UBA2: variants seen among roughly 807,000 people sequenced by gnomAD.
UBA2 encodes SUMO-activating enzyme subunit 2.
Under a neutral mutation model 77.2 loss-of-function variants are expected in UBA2, and 11 were observed. The ratio of observed to expected loss-of-function variants is 0.14; its 90% CI spans 0.09 to 0.24. The LOEUF is 0.24. Among genes scored for constraint, UBA2 ranks in the 10% least tolerant of loss-of-function variants. The pLI is 1.00. For missense variants in UBA2, 487 were observed against 781.7 expected (o/e 0.62, Z 4.50); for synonymous variants, 278 against 276.7 (o/e 1.00, Z -0.05).
At chr19:34,445,203 T>C in intron 8 of UBA2, 82 bp downstream of exon 8, 1 of 1,412,068 alleles carries the variant, frequency 7.1e-7, no homozygotes, top group East Asian at 2.4e-5. Flanking sequence ...TGTTTTAAAA[T>C]AGTCCATAAA....
intron 8 of UBA2, among the ~76,000 whole-genome samples, chr19:34,447,026 G>A (rs1374287778): frequency 6.6e-6 from 1 of 152,250 alleles, no homozygotes; most frequent in East Asian, 1.9e-4. Context: ...ATACAAAGGG[G>A]AGTTGATAGA....
At chr19:34,433,450 C>G in intron 4 of UBA2, 38 bp downstream of exon 4, 1 of 1,299,986 alleles carries the variant, frequency 7.7e-7, no homozygotes, top group South Asian at 1.3e-5. Context: ...CTCAGTATTT[C>G]CTCTCTCCCA....
At position 34,458,937 on chromosome 19, in the gene UBA2, C is replaced by T; in HGVS notation, c.1401+13C>T. The stretch of plus-strand genomic sequence containing the variant: ...CTTACAAGACAAGGTCAGTGCAAGG[C>T]CTGGGTCTCTTTTCCTTTTGCTTTT... On this transcript the variant is annotated intron_variant, in intron 13 of 16. Coordinates refer to ENST00000246548, the MANE Select transcript of UBA2 (RefSeq NM_005499.3). 3 of 1,604,684 alleles carry T rather than the reference C, an allele frequency of 1.9e-6. No homozygotes were observed. The South Asian group carries it at 3.4e-5, about 18-fold the overall frequency.
intron 1 of UBA2, chr19:34,430,328 T>C: frequency 2.8e-6 from 1 of 362,520 alleles, no homozygotes; most frequent in Non-Finnish European, 5.0e-6. Context: ...CCAGGATGAT[T>C]AAACAAACAA....
chr19:34,458,192 C>A (rs533985789), intron 12 of UBA2, among the ~76,000 whole-genome samples: 1 of 152,086 alleles, frequency 6.6e-6, no homozygotes, highest in Non-Finnish European at 1.5e-5. Context: ...CAGAAGAACG[C>A]GGAGTCTTAT....
At chr19:34,439,740 A>G (rs1161026292) in intron 6 of UBA2, among the ~76,000 whole-genome samples, 1 of 152,156 alleles carries the variant, frequency 6.6e-6, no homozygotes, top group South Asian at 2.1e-4. Flanking sequence ...GGATCAGTTG[A>G]GCCTGGGAGG....
In UBA2 at chr19:34,428,563, T is replaced by C. The variant is rs2075212541; in HGVS notation, c.131T>C (p.Ile44Thr). 7.9e-7 allele frequency: 1 copy of C among 1,267,638 alleles called. No individual in the cohort carries two copies. The highest frequency in any genetic ancestry group is 3.2e-5 in the Admixed American group (1 of 31,248). The allele number at this position is 1,267,638 out of a possible 1,614,324, so 78.5% of individuals were successfully genotyped here. A position where few individuals can be genotyped will look rare whatever the true frequency, so the allele number is the denominator to read the frequency against. Residue 44 changes from isoleucine to threonine, a missense_variant, in exon 1 of 17, where the codon ATC becomes ACC. Physicochemically the swap from Ile to Thr is moderately conservative, Grantham distance 89. Transcript: ENST00000246548. ...KNLVLTGFSHIDLIDLDTIDV... is the reference protein window; with the variant it reads ...KNLVLTGFSHTDLIDLDTIDV... The stretch of plus-strand genomic sequence containing the variant: ...CTCGTGCTCACCGGTTTCTCCCACA[T>C]CGACCTGGTGAGGGCCGGGCGCGCG...
intron 7 of UBA2, 123 bp downstream of exon 7, chr19:34,444,034 T>G (rs549774942): frequency 2.0e-5 from 7 of 358,340 alleles, no homozygotes; most frequent in South Asian, 4.2e-5. Flanking sequence ...TTAACATGTG[T>G]TTTTTTTTTG....
chr19:34,442,894 C>G (rs985948772), intron 6 of UBA2, among the ~76,000 whole-genome samples: 7 of 152,074 alleles, frequency 4.6e-5, no homozygotes, highest in Non-Finnish European at 1.0e-4. Context: ...ACTATCAGAG[C>G]TTTGAAATTA....
intron 14 of UBA2, among the ~76,000 whole-genome samples, chr19:34,461,714 A>G (rs1256329067): frequency 6.6e-6 from 1 of 152,208 alleles, no homozygotes; most frequent in Admixed American, 6.5e-5. Context: ...GGGTATTCAT[A>G]AGTCAAGGAT....
chr19:34,429,511 T>C (rs1258413919), intron 1 of UBA2, among the ~76,000 whole-genome samples: 1 of 152,194 alleles, frequency 6.6e-6, no homozygotes, highest in African/African-American at 2.4e-5. Flanking sequence ...TTTTTAACCA[T>C]GTGTAAAAGT....
intron 14 of UBA2, among the ~76,000 whole-genome samples, chr19:34,460,907 A>C (rs1295710274): frequency 6.6e-6 from 1 of 152,204 alleles, no homozygotes; most frequent in East Asian, 1.9e-4. Flanking sequence ...ATTTTTCTCC[A>C]AGAGTGGGGA....
intron 6 of UBA2, among the ~76,000 whole-genome samples, chr19:34,439,746 G>A (rs144823950): frequency 6.6e-6 from 1 of 152,214 alleles, no homozygotes; most frequent in Non-Finnish European, 1.5e-5. Flanking sequence ...GTTGAGCCTG[G>A]GAGGTTGAGG....
Position 34,445,030 on chromosome 19 carries a change from G to C in UBA2, c.680G>C (p.Arg227Thr). The stretch of plus-strand genomic sequence containing the variant: ...CCAACGGAAGCCGAAGCCAGAGCTA[G>C]AGCATCTAATGAAGATGGTGACATT... ...WEPTEAEARA[R>T]ASNEDGDIKR... Residue 227 changes from arginine (R) to threonine (T), a missense_variant, in exon 8 of 17, where the codon AGA becomes ACA. This residue lies in a region of UBA2 where 300 missense variants were observed against 454.3 expected (regional missense o/e 0.66). Coordinates refer to ENST00000246548, the MANE Select transcript of UBA2 (RefSeq NM_005499.3). The C allele has an allele frequency of 6.2e-7, 1 of 1,613,886 alleles. No homozygotes were observed. Among genetic ancestry groups the C allele is most frequent in the Non-Finnish European group, 8.5e-7 (1 of 1,179,910 alleles).
rs141852144 is a variant in UBA2, at chr19:34,433,197, A to G, written c.294-151A>G. 2.0e-3 allele frequency: 1,103 copies of G among 551,110 alleles called. 10 individuals carry two copies. Among genetic ancestry groups the G allele is most frequent in the Non-Finnish European group, 1.6e-3 (508 of 314,992 alleles). The allele number at this position is 551,110 out of a possible 1,614,324, so 34.1% of individuals were successfully genotyped here. On this transcript the variant is annotated intron_variant, in intron 3 of 16. Coordinates refer to ENST00000246548, the MANE Select transcript of UBA2 (RefSeq NM_005499.3). The stretch of plus-strand genomic sequence containing the variant: ...TTCTTTAAAATCTGCTTATGTTTGG[A>G]AAGAGTCAAACCTTACTATCTATAT...
At chr19:34,455,169 A>G (rs1224821219) in intron 12 of UBA2, among the ~76,000 whole-genome samples, 1 of 152,200 alleles carries the variant, frequency 6.6e-6, no homozygotes, top group African/African-American at 2.4e-5. Flanking sequence ...ATACAGGACC[A>G]CTTTTAAATT....
chr19:34,447,267 C>A (rs1473728694), intron 8 of UBA2, among the ~76,000 whole-genome samples: 2 of 152,090 alleles, frequency 1.3e-5, no homozygotes, highest in South Asian at 2.1e-4. Flanking sequence ...TAGATGGTGC[C>A]CACCCAGATT....
At chr19:34,452,542 T>C (rs578024061) in intron 10 of UBA2, among the ~76,000 whole-genome samples, 1 of 152,360 alleles carries the variant, frequency 6.6e-6, no homozygotes, top group East Asian at 1.9e-4. Context: ...GAAATAGTTA[T>C]TACTATTTCA....
chr19:34,458,457 G>A (rs947548673), intron 12 of UBA2, among the ~76,000 whole-genome samples: 22 of 150,166 alleles, frequency 1.5e-4, no homozygotes, highest in African/African-American at 5.4e-4. Context: ...CTACTCGGGA[G>A]GCTGAGGCAG....
Sources: allele counts gnomAD v4.1 joint callset (sites outside exome capture counted in the v4.1 genomes callset), GRCh38; gene constraint gnomAD v4.1.1; regional missense constraint gnomAD v4.1.1; transcripts MANE v1.5; gene names NCBI Gene and HGNC (gene_info 2026-07-23, HGNC 2026-07-21).